The following MAP4K5 variants were observed in gnomAD, a reference collection of about 807,000 sequenced individuals.
The protein encoded by MAP4K5 is mitogen-activated protein kinase kinase kinase kinase 5.
Under a neutral mutation model 135.6 loss-of-function variants are expected in MAP4K5, and 82 were observed. The observed-to-expected ratio is 0.60, with a 90% CI of 0.51 to 0.73. MAP4K5 has a LOEUF of 0.73. MAP4K5 is among the 30% of genes least tolerant of loss of function. The pLI is 0.00. For synonymous variants in MAP4K5, 347 were observed against 335.0 expected, an observed-to-expected ratio of 1.04 and a Z score of -0.39; for missense variants, 907 against 1,010.9, an observed-to-expected ratio of 0.90 and a Z score of 1.39.
At chr14:50,502,910 C>G (rs2037737004) in intron 3 of MAP4K5, among the ~76,000 whole-genome samples, 1 of 151,864 alleles carries the variant, frequency 6.6e-6, no homozygotes. Context: ...TTAGAACAAA[C>G]TTGCTCCTGA....
intron 13 of MAP4K5, among the ~76,000 whole-genome samples, chr14:50,457,348 G>T (rs1166465600): frequency 6.6e-6 from 1 of 152,122 alleles, no homozygotes; most frequent in Non-Finnish European, 1.5e-5. Flanking sequence ...ATGGAGGGGA[G>T]AAATATTGGA....
chr14:50,429,420 C>A (rs2035921736), intron 28 of MAP4K5, among the ~76,000 whole-genome samples, 160 bp from the exon 29 acceptor site: 1 of 151,910 alleles, frequency 6.6e-6, no homozygotes. Flanking sequence ...GCATGTAAAT[C>A]AATTTAAGAG....
intron 11 of MAP4K5, among the ~76,000 whole-genome samples, chr14:50,465,034 A>G (rs12898053): frequency 0.99 from 151,384 of 152,336 alleles, 75,229 homozygotes; most frequent in Middle Eastern, 1. Flanking sequence ...CAACAGGGAA[A>G]AGGAAGGACC....
Position 50,440,352 on chromosome 14 carries a change from G to A in MAP4K5, c.1644+10C>T, listed in dbSNP as rs773357907. 2 of 1,540,300 alleles carry A rather than the reference G, an allele frequency of 1.3e-6. No homozygotes were observed. Among genetic ancestry groups the A allele is most frequent in the Non-Finnish European group, 1.8e-6 (2 of 1,121,216 alleles). ...TTAAATTAATTTCTTGAATTAAAAT[G>A]CCTAATTACCTGTTCCATCGTTGCC... is the stretch of plus-strand genomic sequence containing the variant. On this transcript the variant is annotated intron_variant, in intron 22 of 32. Transcript: ENST00000682126.
chr14:50,530,853 T>C (rs1441617543), intron 2 of MAP4K5, among the ~76,000 whole-genome samples: 1 of 152,050 alleles, frequency 6.6e-6, no homozygotes, highest in South Asian at 2.1e-4. Flanking sequence ...TACCTTGAAA[T>C]GCTAATATTA....
At chr14:50,461,744 C>A (rs2036716158) in intron 13 of MAP4K5, among the ~76,000 whole-genome samples, 2 of 151,992 alleles carry the variant, frequency 1.3e-5, no homozygotes, top group Admixed American at 6.6e-5. Flanking sequence ...CTTAGTGAAA[C>A]CCTGTCTCTA....
At chr14:50,480,068 A>G (rs2037202702) in intron 6 of MAP4K5, among the ~76,000 whole-genome samples, 2 of 151,980 alleles carry the variant, frequency 1.3e-5, no homozygotes, top group African/African-American at 4.8e-5. Context: ...TTGTTACCTG[A>G]TTTTGACCAG....
At chr14:50,478,470 T>G (rs2037157495) in intron 6 of MAP4K5, among the ~76,000 whole-genome samples, 1 of 152,162 alleles carries the variant, frequency 6.6e-6, no homozygotes, top group African/African-American at 2.4e-5. Context: ...TGCTCATCTT[T>G]TTCTAGCTTC....
intron 32 of MAP4K5, among the ~76,000 whole-genome samples, chr14:50,420,769 G>T (rs911161898): frequency 1.3e-5 from 2 of 152,034 alleles, no homozygotes; most frequent in Admixed American, 1.3e-4. Flanking sequence ...AGAGACACTC[G>T]TCCAAACTGT....
rs373464107 is a variant in MAP4K5, at chr14:50,452,606, CAG to C, written c.1016-3776_1016-3775del. ...CTGAAACAACCTTTATATTAAAATT[CAG>C]AGACTGTCTTCTGGAAAACTGCCCT... On this transcript the variant is annotated intron_variant, in intron 14 of 32. Coordinates refer to ENST00000682126, the MANE Select transcript of MAP4K5 (RefSeq NM_006575.6). 1.0e-3 allele frequency among the ~76,000 whole-genome samples: 152 copies of C among 152,286 alleles called. 3 individuals carry two copies. The highest frequency in any genetic ancestry group is 6.0e-3 in the East Asian group (31 of 5,182).
At chr14:50,440,929 C>A (rs1214281895) in intron 21 of MAP4K5, among the ~76,000 whole-genome samples, 1 of 152,030 alleles carries the variant, frequency 6.6e-6, no homozygotes, top group Admixed American at 6.6e-5. Flanking sequence ...AGATGCTGAG[C>A]CTAGAAATCT....
intron 1 of MAP4K5, among the ~76,000 whole-genome samples, chr14:50,553,595 T>C (rs904408792): frequency 6.6e-6 from 1 of 152,162 alleles, no homozygotes; most frequent in Non-Finnish European, 1.5e-5. Flanking sequence ...GCAATCCCAC[T>C]ACTGGGTGTT....
At chr14:50,519,889 T>TACA (rs1184214528) in intron 2 of MAP4K5, among the ~76,000 whole-genome samples, 1 of 152,134 alleles carries the variant, frequency 6.6e-6, no homozygotes, top group Non-Finnish European at 1.5e-5. Flanking sequence ...TAGCATGTAT[T>TACA]ACAATGAAGA....
At chr14:50,467,586 C>A (rs1183645983) in intron 10 of MAP4K5, among the ~76,000 whole-genome samples, 1 of 152,046 alleles carries the variant, frequency 6.6e-6, no homozygotes, top group Non-Finnish European at 1.5e-5. Context: ...AATTCACCAA[C>A]TACTACATAT....
intron 2 of MAP4K5, among the ~76,000 whole-genome samples, chr14:50,509,036 G>T (rs779845541): frequency 6.6e-6 from 1 of 152,022 alleles, no homozygotes; most frequent in Non-Finnish European, 1.5e-5. Flanking sequence ...ATATACCATC[G>T]AATACTATGC....
intron 2 of MAP4K5, among the ~76,000 whole-genome samples, chr14:50,527,206 G>GCA (rs149328268): frequency 0.028 from 4,318 of 152,172 alleles, 186 homozygotes; most frequent in African/African-American, 0.098. Flanking sequence ...GAGTGTGGTG[G>GCA]CACATGCCTG....
intron 1 of MAP4K5, among the ~76,000 whole-genome samples, chr14:50,551,366 A>T (rs1251869194): frequency 6.6e-6 from 1 of 152,012 alleles, no homozygotes; most frequent in African/African-American, 2.4e-5. Flanking sequence ...ACAAGCAGTG[A>T]GATTGAATCG....
chr14:50,519,865 G>A (rs1177430552), intron 2 of MAP4K5, among the ~76,000 whole-genome samples: 2 of 151,922 alleles, frequency 1.3e-5, no homozygotes, highest in African/African-American at 4.8e-5. Context: ...ACTGGTAAAG[G>A]ACCCAAACAT....
At chr14:50,444,829 T>C (rs891460534) in intron 18 of MAP4K5, among the ~76,000 whole-genome samples, 9 of 152,186 alleles carry the variant, frequency 5.9e-5, no homozygotes, top group East Asian at 1.9e-4. Flanking sequence ...CAAATTAGGA[T>C]TGAAGTGAAC....
Sources: allele counts gnomAD v4.1 joint callset (sites outside exome capture counted in the v4.1 genomes callset), GRCh38; gene constraint gnomAD v4.1.1; transcripts MANE v1.5; gene names NCBI Gene and HGNC (gene_info 2026-07-23, HGNC 2026-07-21).